The following MC2R variants were observed in gnomAD, a reference collection of about 807,000 sequenced individuals.
MC2R encodes adrenocorticotropic hormone receptor.
In MC2R, 9 loss-of-function variants were observed where a neutral mutation model predicts 9.8. The observed-to-expected ratio is 0.92, with a 90% CI of 0.55 to 1.60. The LOEUF (loss-of-function observed/expected upper bound fraction) is 1.60, where lower values mean the gene tolerates loss of function less well. MC2R is among the 40% of genes most tolerant of loss of function. The pLI, the probability that MC2R is intolerant of heterozygous loss-of-function variation, is 0.00. For synonymous variants in MC2R, 185 were observed against 154.7 expected (o/e 1.20, Z -1.45); for missense variants, 370 against 389.0 (o/e 0.95, Z 0.41).
intron 1 of MC2R, among the ~76,000 whole-genome samples, chr18:13,911,547 C>T (rs2045444630): frequency 6.6e-6 from 1 of 152,166 alleles, no homozygotes; most frequent in Admixed American, 6.5e-5. Context: ...GACTTCTCTG[C>T]CTTACCTAGC....
intron 1 of MC2R, among the ~76,000 whole-genome samples, chr18:13,900,718 C>A (rs1351120694): frequency 6.6e-6 from 1 of 152,014 alleles, no homozygotes; most frequent in East Asian, 1.9e-4. Context: ...TAAATATATG[C>A]ACCTGAGACT....
At chr18:13,895,634 G>A (rs2045341547) in intron 1 of MC2R, among the ~76,000 whole-genome samples, 1 of 152,168 alleles carries the variant, frequency 6.6e-6, no homozygotes, top group Non-Finnish European at 1.5e-5. Flanking sequence ...CTCAACTTTT[G>A]AGAATATTTA....
In MC2R at chr18:13,885,446, C is replaced by T. The variant is rs556820909; in HGVS notation, c.73G>A (p.Val25Ile). 18 of 1,614,090 alleles carry T rather than the reference C, an allele frequency of 1.1e-5. No individual in the cohort carries two copies. The East Asian group carries it at 3.6e-4, about 32-fold the overall frequency. The change falls in exon 2 of 2, where the codon GTT becomes ATT. Residue 25 changes from valine to isoleucine, a missense_variant. Val to Ile is a conservative substitution (Grantham distance 29, BLOSUM62 3). Transcript: ENST00000327606. ...ARNNSDCPRVVLPEEIFFTIS... is the reference protein window; with the variant it reads ...ARNNSDCPRVILPEEIFFTIS... ...GTGAAAAATATCTCCTCCGGCAAAA[C>T]CACACGAGGACAGTCGGAATTATTT...
intron 1 of MC2R, among the ~76,000 whole-genome samples, chr18:13,891,206 G>T (rs2045313886): frequency 6.6e-6 from 1 of 152,142 alleles, no homozygotes; most frequent in Non-Finnish European, 1.5e-5. Flanking sequence ...TCTGTACCTT[G>T]CTCTTATCTT....
chr18:13,886,779 G>T (rs2045279029), intron 1 of MC2R, among the ~76,000 whole-genome samples: 1 of 152,158 alleles, frequency 6.6e-6, no homozygotes, highest in Non-Finnish European at 1.5e-5. Flanking sequence ...TGGCGAGGAA[G>T]ACACTTCCTA....
Position 13,885,542 on chromosome 18 carries a change from G to T in MC2R, c.-24C>A, listed in dbSNP as rs1311405431. 7 of 1,613,792 alleles carry T rather than the reference G, an allele frequency of 4.3e-6. No homozygotes were observed. The highest frequency in any genetic ancestry group is 4.2e-6 in the Non-Finnish European group (5 of 1,179,832). ...ATTTCTCCTGCTTGTGGTTAAGGCG[G>T]GGATGTTACTTGGACTTGACTTCAC... On this transcript the variant is annotated 5_prime_UTR_variant, in exon 2 of 2. Transcript: ENST00000327606.
intron 1 of MC2R, among the ~76,000 whole-genome samples, chr18:13,886,323 G>A (rs2045275919): frequency 1.3e-5 from 2 of 152,240 alleles, no homozygotes; most frequent in South Asian, 4.1e-4. Flanking sequence ...GCCGAGAGAT[G>A]ATAGCAAAGA....
At chr18:13,900,751 A>G (rs1313515065) in intron 1 of MC2R, among the ~76,000 whole-genome samples, 1 of 152,164 alleles carries the variant, frequency 6.6e-6, no homozygotes, top group East Asian at 1.9e-4. Flanking sequence ...TATATAAAGC[A>G]AATTTATTAG....
At position 13,887,534 on chromosome 18, in the gene MC2R, G is replaced by C. The variant is rs189827067; in HGVS notation, c.-128-1888C>G. Among the ~76,000 whole-genome samples, 410 of 152,318 alleles carry C rather than the reference G, an allele frequency of 2.7e-3. 4 individuals carry two copies. Among genetic ancestry groups the C allele is most frequent in the African/African-American group, 9.3e-3 (388 of 41,572 alleles). On this transcript the variant is annotated intron_variant, in intron 1 of 1. Coordinates refer to ENST00000327606, the MANE Select transcript of MC2R (RefSeq NM_000529.2). ...ATGTTTCAGCCTGACTGAGTTTCAG[G>C]GTGCCAGGTATGTGGTGAGACAGTG...
intron 1 of MC2R, among the ~76,000 whole-genome samples, chr18:13,891,959 A>G (rs2045317931): frequency 6.6e-6 from 1 of 152,236 alleles, no homozygotes; most frequent in Non-Finnish European, 1.5e-5. Context: ...TAAGCTAAAG[A>G]TGATCTAATA....
chr18:13,894,154 G>A (rs562708861), intron 1 of MC2R, among the ~76,000 whole-genome samples: 45 of 152,126 alleles, frequency 3.0e-4, no homozygotes, highest in Non-Finnish European at 5.4e-4. Flanking sequence ...GTGTGTGTGT[G>A]TGTGTGCGTG....
Position 13,892,494 on chromosome 18 carries a change from A to T in MC2R, c.-128-6848T>A, listed in dbSNP as rs1272959377. ...GGCAGGGTCTGGTGGTGGTTGGAGC[A>T]TGGGTGGCGGATGAGCCCAGCTCAC... On this transcript the variant is annotated intron_variant, in intron 1 of 1. Transcript: ENST00000327606. Among the ~76,000 whole-genome samples, 5 of 152,284 alleles carry T rather than the reference A, an allele frequency of 3.3e-5. No homozygotes were observed. The East Asian group carries it at 5.8e-4, about 18-fold the overall frequency.
Position 13,884,708 on chromosome 18 carries a change from T to C in MC2R, c.811A>G (p.Ile271Val). ...NGMLIMCNAV[I>V]DPFIYAFRSP... ...CGGAAGGCATATATGAAGGGGTCAATGACGGCATTGCACATGATCAACATG... is the reference window on the plus strand; with the variant it reads ...CGGAAGGCATATATGAAGGGGTCAACGACGGCATTGCACATGATCAACATG... The change falls in exon 2 of 2, where the codon ATT (isoleucine) becomes GTT (valine). Residue 271 changes from isoleucine (I) to valine (V), a missense_variant. Transcript: ENST00000327606. 1 of 1,614,160 alleles carries C rather than the reference T, an allele frequency of 6.2e-7. No individual in the cohort carries two copies. The highest frequency in any genetic ancestry group is 1.1e-5 in the South Asian group (1 of 91,084).
Position 13,885,043 on chromosome 18 carries a change from G to GT in MC2R, c.475dup (p.Thr159AsnfsTer90). The stretch of plus-strand genomic sequence containing the variant: ...GATCACCATGGTGATGCCAGTCCCC[G>GT]TGCAGAACGTCCAGATGACCGTAAG... On this transcript the variant is annotated frameshift_variant, in exon 2 of 2. Transcript: ENST00000327606. LOFTEE classifies it high-confidence loss of function. 6.2e-7 allele frequency: 1 copy of GT among 1,614,160 alleles called. No individual in the cohort carries two copies. Among genetic ancestry groups the GT allele is most frequent in the South Asian group, 1.1e-5 (1 of 91,082 alleles).
rs1022323202 is a variant in MC2R at position 13,908,117 on chromosome 18, A to G, written c.-129+7371T>C. ...CAGCATTATTCACGAAAGCCAAAAT[A>G]TGGACTCGACCTAAGTGTCCATCAG... On this transcript the variant is annotated intron_variant, in intron 1 of 1. Coordinates refer to ENST00000327606, the MANE Select transcript of MC2R (RefSeq NM_000529.2). Among the ~76,000 whole-genome samples, 3 of 152,368 alleles carry G rather than the reference A, an allele frequency of 2.0e-5. No homozygotes were observed. In the South Asian group the frequency reaches 6.2e-4, roughly 32 times the overall value.
intron 1 of MC2R, among the ~76,000 whole-genome samples, chr18:13,905,991 C>T (rs557996943): frequency 6.6e-6 from 1 of 152,066 alleles, no homozygotes; most frequent in Non-Finnish European, 1.5e-5. Flanking sequence ...TTGTCTTGTT[C>T]CAGATCTTAG....
chr18:13,899,448 A>C (rs911348801), intron 1 of MC2R, among the ~76,000 whole-genome samples: 2 of 152,212 alleles, frequency 1.3e-5, no homozygotes, highest in African/African-American at 4.8e-5. Flanking sequence ...TAGAAAATTT[A>C]TTTGAAGGGA....
intron 1 of MC2R, among the ~76,000 whole-genome samples, chr18:13,887,743 T>G (rs567046722): frequency 1.1e-4 from 16 of 152,276 alleles, no homozygotes; most frequent in Admixed American, 4.6e-4. Context: ...GAGACACTGG[T>G]CTCTTCCTGC....
chr18:13,913,415 G>A (rs1428984457), intron 1 of MC2R, among the ~76,000 whole-genome samples: 2 of 152,196 alleles, frequency 1.3e-5, no homozygotes, highest in Non-Finnish European at 2.9e-5. Context: ...ACACCTACTA[G>A]GTTGATTAGT....
Sources: gnomAD v4.1 joint callset for allele counts (sites outside exome capture counted in the v4.1 genomes callset) on GRCh38, gnomAD v4.1.1 for gene constraint, MANE v1.5 for transcripts, NCBI Gene and HGNC (gene_info 2026-07-23, HGNC 2026-07-21) for gene names.